The following TBC1D22A variants were observed in gnomAD, a reference collection of about 807,000 sequenced individuals.
The protein encoded by TBC1D22A is TBC1 domain family member 22A.
Under a neutral mutation model 60.2 loss-of-function variants are expected in TBC1D22A, and 38 were observed. That is an observed-to-expected ratio of 0.63 (90% CI 0.49 to 0.83). TBC1D22A has a LOEUF of 0.83. TBC1D22A is among the 40% of genes least tolerant of loss of function. TBC1D22A has a pLI of 0.00. For missense variants in TBC1D22A, 628 were observed against 701.0 expected (o/e 0.90, Z 1.18); for synonymous variants, 302 against 281.7 (o/e 1.07, Z -0.72).
intron 8 of TBC1D22A, among the ~76,000 whole-genome samples, chr22:46,930,185 C>G (rs2071276056): frequency 6.6e-6 from 1 of 152,166 alleles, no homozygotes; most frequent in African/African-American, 2.4e-5. Flanking sequence ...CACTGTCTCC[C>G]CCATCAGACC....
intron 8 of TBC1D22A, among the ~76,000 whole-genome samples, chr22:46,963,370 C>T (rs1463354153): frequency 3.3e-5 from 5 of 152,224 alleles, no homozygotes; most frequent in Non-Finnish European, 7.3e-5. Context: ...CCCTGGGTCC[C>T]GCAGTGCCCA....
intron 4 of TBC1D22A, among the ~76,000 whole-genome samples, chr22:46,814,739 C>G (rs2147058782): frequency 6.6e-6 from 1 of 152,064 alleles, no homozygotes; most frequent in Middle Eastern, 3.4e-3. Flanking sequence ...CTCCGCCTCA[C>G]AGGTTCAAGC....
rs943655254 is a variant in TBC1D22A, at chr22:46,941,236, C to T, written c.1015+29048C>T. Among the ~76,000 whole-genome samples the T allele has an allele frequency of 2.1e-5, 3 of 144,338 alleles. No individual in the cohort carries two copies. The Admixed American group carries it at 2.1e-4, about 10-fold the overall frequency. 94.7% of individuals were successfully genotyped at this position (144,338 alleles called of 152,430 possible). A position where few individuals can be genotyped will look rare whatever the true frequency, so the allele number is the denominator to read the frequency against. On this transcript the variant is annotated intron_variant, in intron 8 of 12. Coordinates refer to ENST00000337137, the MANE Select transcript of TBC1D22A (RefSeq NM_014346.5). ...ACACACACACACACACACACACACA[C>T]AGTCCACCCTTGAACAGCATGGAAG... is the stretch of plus-strand genomic sequence containing the variant.
intron 12 of TBC1D22A, among the ~76,000 whole-genome samples, chr22:47,161,349 A>G (rs2067979052): frequency 6.6e-6 from 1 of 152,018 alleles, no homozygotes; most frequent in East Asian, 1.9e-4. Context: ...TATGGGGGGC[A>G]CTGGGCTTCC....
chr22:46,869,472 G>T (rs747738371), intron 4 of TBC1D22A, among the ~76,000 whole-genome samples: 1 of 152,190 alleles, frequency 6.6e-6, no homozygotes, highest in African/African-American at 2.4e-5. Context: ...ATTGGCACCC[G>T]CCAATGGGAT....
chr22:46,894,923 C>CT lies in TBC1D22A; in HGVS notation c.900+77_900+78insT. On this transcript the variant is annotated intron_variant, in intron 7 of 12. Coordinates refer to ENST00000337137, the MANE Select transcript of TBC1D22A (RefSeq NM_014346.5). Reference sequence around the variant, plus strand: ...CACTGTGCTAACCAGACAGTGGGCGCAGCCGGAGGTGCTTCACCCAGAAGC... The same window carrying CT: ...CACTGTGCTAACCAGACAGTGGGCGCTAGCCGGAGGTGCTTCACCCAGAAGC... The CT allele has an allele frequency of 2.6e-6, 4 of 1,532,164 alleles. No homozygotes were observed. The South Asian group carries it at 3.4e-5, about 13-fold the overall frequency. The allele number at this position is 1,532,164 out of a possible 1,614,324, so 94.9% of individuals were successfully genotyped here.
At chr22:46,906,252 C>G (rs1450270755) in intron 7 of TBC1D22A, among the ~76,000 whole-genome samples, 1 of 152,134 alleles carries the variant, frequency 6.6e-6, no homozygotes, top group South Asian at 2.1e-4. Context: ...TAATAGCTAT[C>G]GTTGGAGGGA....
intron 10 of TBC1D22A, among the ~76,000 whole-genome samples, chr22:47,013,064 G>A (rs117809714): frequency 0.013 from 2,006 of 152,348 alleles, 20 homozygotes; most frequent in Middle Eastern, 0.034. Context: ...CCCGCCCCGT[G>A]CGCGAGTGGA....
intron 10 of TBC1D22A, among the ~76,000 whole-genome samples, chr22:47,020,048 G>C (rs929804415): frequency 1.3e-5 from 2 of 151,506 alleles, no homozygotes; most frequent in African/African-American, 4.9e-5. Context: ...CCCCACCCAT[G>C]TCTCAGCCAT....
chr22:46,980,185 T>G (rs1228727469), intron 9 of TBC1D22A, among the ~76,000 whole-genome samples: 1 of 152,108 alleles, frequency 6.6e-6, no homozygotes, highest in Non-Finnish European at 1.5e-5. Context: ...ACAGATTTAT[T>G]TATATTTATT....
chr22:46,917,582 G>A (rs540304408), intron 8 of TBC1D22A, among the ~76,000 whole-genome samples: 176 of 152,300 alleles, frequency 1.2e-3, no homozygotes, highest in Middle Eastern at 6.8e-3. Flanking sequence ...GCGGGATGGG[G>A]TTCTGATTTA....
At chr22:47,093,152 T>C (rs1430206538) in intron 11 of TBC1D22A, among the ~76,000 whole-genome samples, 1 of 152,198 alleles carries the variant, frequency 6.6e-6, no homozygotes, top group Admixed American at 6.5e-5. Context: ...GTCTTTGATT[T>C]CATCCATAAA....
At chr22:47,018,087 A>G (rs2061963129) in intron 10 of TBC1D22A, among the ~76,000 whole-genome samples, 1 of 152,178 alleles carries the variant, frequency 6.6e-6, no homozygotes. Context: ...TTGCTCAGGC[A>G]CCTCGTTCTG....
chr22:46,941,558 T>C (rs62638158), intron 8 of TBC1D22A, among the ~76,000 whole-genome samples: 3,618 of 144,766 alleles, frequency 0.025, 113 homozygotes, highest in Non-Finnish European at 0.04. Flanking sequence ...ATACAGGGAA[T>C]ATATATACGG....
At chr22:47,171,927 G>A (rs566571031) in intron 12 of TBC1D22A, among the ~76,000 whole-genome samples, 72 of 152,246 alleles carry the variant, frequency 4.7e-4, no homozygotes, top group African/African-American at 1.2e-3. Flanking sequence ...TCTGAGACAC[G>A]GCCCAGCTGC....
chr22:47,171,835 C>T (rs1365119510), intron 12 of TBC1D22A, among the ~76,000 whole-genome samples: 1 of 152,202 alleles, frequency 6.6e-6, no homozygotes, highest in Non-Finnish European at 1.5e-5. Context: ...TCAGTGTCCG[C>T]ATCCCGGCCT....
At chr22:47,162,793 C>A (rs989044820) in intron 12 of TBC1D22A, among the ~76,000 whole-genome samples, 2 of 103,044 alleles carry the variant, frequency 1.9e-5, no homozygotes, top group African/African-American at 9.6e-5. Flanking sequence ...CAGGGAGAGT[C>A]GGGGGAGTGG....
chr22:46,967,252 T>A (rs1286889749), intron 8 of TBC1D22A, among the ~76,000 whole-genome samples: 2 of 152,222 alleles, frequency 1.3e-5, no homozygotes, highest in Non-Finnish European at 2.9e-5. Context: ...ACCAAAGAGT[T>A]TGGCGAATTT....
intron 11 of TBC1D22A, among the ~76,000 whole-genome samples, chr22:47,079,645 A>C (rs1569425488): frequency 6.6e-6 from 1 of 152,226 alleles, no homozygotes; most frequent in East Asian, 1.9e-4. Flanking sequence ...ATAGGTATAA[A>C]ATCCTAGTAG....
Sources: gnomAD v4.1 joint callset for allele counts (sites outside exome capture counted in the v4.1 genomes callset) on GRCh38, gnomAD v4.1.1 for gene constraint, MANE v1.5 for transcripts, NCBI Gene and HGNC (gene_info 2026-07-23, HGNC 2026-07-21) for gene names.